Variants in ATRN observed in about 807,000 individuals in gnomAD.
The protein encoded by ATRN is attractin-2.
Under a neutral mutation model 178.7 loss-of-function variants are expected in ATRN, and 54 were observed. The observed-to-expected ratio is 0.30, with a 90% CI of 0.24 to 0.38. The LOEUF (loss-of-function observed/expected upper bound fraction) is 0.38. ATRN is among the 10% of genes least tolerant of loss of function. The probability of loss-of-function intolerance (pLI) is 1.00; values close to 1 mark genes in which losing one functional copy is unlikely to be tolerated. For missense variants in ATRN, 1,443 were observed against 1,815.1 expected (o/e 0.79, Z 3.73); for synonymous variants, 636 against 663.0 (o/e 0.96, Z 0.63).
chr20:3,650,639 C>T lies in ATRN; in HGVS notation c.*3792C>T, dbSNP rs1287648028. ...TGATGAGAGTCAAACACCCTGCCTA[C>T]AAGGAGATGTTTTGAAATGGAGAGG... On this transcript the variant is annotated 3_prime_UTR_variant, in exon 29 of 29. Coordinates refer to ENST00000262919, the MANE Select transcript of ATRN (RefSeq NM_139321.3). 9 of 152,418 alleles carry T rather than the reference C, an allele frequency of 5.9e-5. No individual in the cohort carries two copies. The East Asian group carries it at 1.7e-3, about 29-fold the overall frequency. The allele number at this position is 152,418 out of a possible 1,614,324, so 9.4% of individuals were successfully genotyped here.
intron 1 of ATRN, among the ~76,000 whole-genome samples, chr20:3,474,780 T>C (rs2084495966): frequency 6.6e-6 from 1 of 151,974 alleles, no homozygotes; most frequent in Non-Finnish European, 1.5e-5. Context: ...ACGCCTGTAA[T>C]CCCAGCACTT....
intron 24 of ATRN, among the ~76,000 whole-genome samples, chr20:3,609,653 G>A (rs1288727824): frequency 6.6e-6 from 1 of 151,706 alleles, no homozygotes; most frequent in Non-Finnish European, 1.5e-5. Flanking sequence ...TAATCAAAAT[G>A]TGGAAACAAC....
chr20:3,519,355 A>G (rs2085256098), intron 1 of ATRN, among the ~76,000 whole-genome samples: 1 of 152,178 alleles, frequency 6.6e-6, no homozygotes, highest in South Asian at 2.1e-4. Flanking sequence ...CCAAATTTTA[A>G]ATTAAAAATC....
chr20:3,628,423 G>A (rs1490607214), intron 25 of ATRN, among the ~76,000 whole-genome samples: 2 of 152,154 alleles, frequency 1.3e-5, no homozygotes, highest in East Asian at 1.9e-4. Flanking sequence ...AGGGTCAACC[G>A]TGGTCCAAAA....
intron 1 of ATRN, among the ~76,000 whole-genome samples, chr20:3,482,866 A>G (rs910777190): frequency 6.6e-6 from 1 of 152,240 alleles, no homozygotes; most frequent in Admixed American, 6.5e-5. Flanking sequence ...TGAACTAACT[A>G]TAACTTCCTA....
chr20:3,550,724 C>T (rs2085775320), intron 6 of ATRN, among the ~76,000 whole-genome samples: 1 of 152,146 alleles, frequency 6.6e-6, no homozygotes, highest in Non-Finnish European at 1.5e-5. Context: ...AGGAGTGGCA[C>T]AGGTGGCACC....
Position 3,512,100 on chromosome 20 carries a change from TATATATA to T in ATRN, c.411-23152_411-23146del, listed in dbSNP as rs1270326088. 1.6e-4 allele frequency among the ~76,000 whole-genome samples: 21 copies of T among 127,486 alleles called. 1 individual carries two copies. The highest frequency in any genetic ancestry group is 5.3e-4 in the Admixed American group (7 of 13,332). 83.6% of individuals were successfully genotyped at this position (127,486 alleles called of 152,430 possible). On this transcript the variant is annotated intron_variant, in intron 1 of 28. Coordinates refer to ENST00000262919, the MANE Select transcript of ATRN (RefSeq NM_139321.3). ...CTTTTTTCTTTTATATATATATATATATATATATTTTTTTTTTTTATTATACTTTAAG... is the reference window on the plus strand; with the variant it reads ...CTTTTTTCTTTTATATATATATATATTTTTTTTTTTTTATTATACTTTAAG...
rs2146324849 is a variant in ATRN, at chr20:3,638,247, T to C, written c.3943-581T>C. 6.6e-6 allele frequency among the ~76,000 whole-genome samples: 1 copy of C among 152,296 alleles called. No individual in the cohort carries two copies. The highest frequency in any genetic ancestry group is 1.9e-4 in the East Asian group (1 of 5,178). ...TGTTATCTAGGTTTTAAGCCCTGCA[T>C]GCATTTGGTATTTGTCCTAATGCTC... On this transcript the variant is annotated intron_variant, in intron 26 of 28. Transcript: ENST00000262919. This position sits in a 1 kb window ranked among gnomAD's most constrained non-coding sequence, Gnocchi z 4.5.
chr20:3,612,105 C>T (rs1444352460), intron 24 of ATRN, among the ~76,000 whole-genome samples: 1 of 152,110 alleles, frequency 6.6e-6, no homozygotes, highest in African/African-American at 2.4e-5. Flanking sequence ...AAACTGGAAA[C>T]AAGCCAAATA....
rs554728638 is a variant in ATRN, at chr20:3,579,331, C to A, written c.2544+559C>A. Among the ~76,000 whole-genome samples the A allele has an allele frequency of 2.4e-3, 360 of 152,092 alleles. 2 individuals are homozygous for A. Among genetic ancestry groups the A allele is most frequent in the African/African-American group, 8.1e-3 (336 of 41,504 alleles). Reference sequence around the variant, plus strand: ...TAAAACCCCGTCTCTACTAAAAATACAAAAATTAGCCAGGCATGGTGGTGT... The same window carrying A: ...TAAAACCCCGTCTCTACTAAAAATAAAAAAATTAGCCAGGCATGGTGGTGT... On this transcript the variant is annotated intron_variant, in intron 15 of 28. Coordinates refer to ENST00000262919, the MANE Select transcript of ATRN (RefSeq NM_139321.3).
At chr20:3,642,076 A>C (rs1568779159) in intron 27 of ATRN, among the ~76,000 whole-genome samples, 1 of 152,238 alleles carries the variant, frequency 6.6e-6, no homozygotes, top group Non-Finnish European at 1.5e-5. Flanking sequence ...TTCTTCCAGG[A>C]CACCACACAC....
chr20:3,477,982 A>G (rs1323268821), intron 1 of ATRN, among the ~76,000 whole-genome samples: 3 of 152,082 alleles, frequency 2.0e-5, no homozygotes, highest in East Asian at 3.9e-4. Flanking sequence ...GTACTTCCTT[A>G]TTTGTTTTAG....
At chr20:3,532,084 G>A (rs889391136) in intron 1 of ATRN, among the ~76,000 whole-genome samples, 4 of 152,212 alleles carry the variant, frequency 2.6e-5, no homozygotes, top group South Asian at 2.1e-4. Flanking sequence ...GAGCCATTGA[G>A]CTTGCCACTG....
rs1334724421 is a variant in ATRN, at chr20:3,566,708, AC to A, written c.1871+1279del. Among the ~76,000 whole-genome samples the A allele has an allele frequency of 9.9e-5, 15 of 152,114 alleles. No individual in the cohort carries two copies. In the East Asian group the frequency reaches 2.1e-3, roughly 22 times the overall value. ...CACTTGAGCCCAGGAGTTCCAGACCACCCTGGTCAACATGGCAAAACCCCCG... is the reference window on the plus strand; with the variant it reads ...CACTTGAGCCCAGGAGTTCCAGACCACCTGGTCAACATGGCAAAACCCCCG... On this transcript the variant is annotated intron_variant, in intron 11 of 28. Transcript: ENST00000262919.
At chr20:3,499,130 A>T (rs238712) in intron 1 of ATRN, among the ~76,000 whole-genome samples, 2,242 of 80,152 alleles carry the variant, frequency 0.028, 30 homozygotes, top group Middle Eastern at 0.077. Context: ...TTACAAGGGA[A>T]GTGAAGGACC....
intron 3 of ATRN, 120 bp from the exon 4 acceptor site, chr20:3,545,642 C>T (rs2085689888): frequency 1.6e-6 from 2 of 1,287,068 alleles, no homozygotes; most frequent in Non-Finnish European, 2.1e-6. Flanking sequence ...AGGAATTTGC[C>T]TGTCTTCCTG....
At chr20:3,634,744 C>T (rs2087013415) in intron 26 of ATRN, among the ~76,000 whole-genome samples, 1 of 152,178 alleles carries the variant, frequency 6.6e-6, no homozygotes, top group Non-Finnish European at 1.5e-5. Context: ...TTAGGCACCG[C>T]CTTCATGAGA....
intron 22 of ATRN, 91 bp from the exon 23 acceptor site, chr20:3,600,855 A>T: frequency 8.5e-7 from 1 of 1,181,992 alleles, no homozygotes; most frequent in Non-Finnish European, 1.2e-6. Context: ...GTTTGTGATT[A>T]AGAACATTTA....
chr20:3,626,227 GT>G (rs1299413816), intron 25 of ATRN, among the ~76,000 whole-genome samples: 1 of 103,242 alleles, frequency 9.7e-6, no homozygotes, highest in Non-Finnish European at 1.8e-5. Flanking sequence ...GTGAGACCCT[GT>G]CTCAAAAAAA....
Sources: gnomAD v4.1 joint callset for allele counts (sites outside exome capture counted in the v4.1 genomes callset) on GRCh38, gnomAD v4.1.1 for gene constraint, Gnocchi (gnomAD v3.1) non-coding constraint, MANE v1.5 for transcripts, NCBI Gene and HGNC (gene_info 2026-07-23, HGNC 2026-07-21) for gene names.